SNX29: variants seen among roughly 807,000 people sequenced by gnomAD.
SNX29 encodes sorting nexin 29, also known as sorting nexin-29.
Under a neutral mutation model 102.1 loss-of-function variants are expected in SNX29, and 78 were observed. The ratio of observed to expected loss-of-function variants is 0.76; its 90% CI spans 0.64 to 0.92. The LOEUF is 0.92. SNX29 is among the 40% of genes least tolerant of loss of function. SNX29 has a pLI of 0.00. For missense variants in SNX29, 1,280 were observed against 1,061.7 expected, an observed-to-expected ratio of 1.21 and a Z score of -2.86; for synonymous variants, 580 against 414.5, an observed-to-expected ratio of 1.40 and a Z score of -4.85.
At chr16:12,489,950 C>G (rs2088458487) in intron 19 of SNX29, among the ~76,000 whole-genome samples, 1 of 152,126 alleles carries the variant, frequency 6.6e-6, no homozygotes, top group Non-Finnish European at 1.5e-5. Context: ...GGACTATAGG[C>G]ATGCACCACC....
chr16:12,074,661 A>C (rs1169495241), intron 10 of SNX29, among the ~76,000 whole-genome samples: 1 of 152,104 alleles, frequency 6.6e-6, no homozygotes, highest in African/African-American at 2.4e-5. Flanking sequence ...GCTCTTCTCC[A>C]GGAGTATCTT....
chr16:12,561,711 G>C (rs529695178), intron 20 of SNX29, among the ~76,000 whole-genome samples: 7 of 152,324 alleles, frequency 4.6e-5, no homozygotes, highest in Admixed American at 1.3e-4. Context: ...CCCCAGTGCT[G>C]TGTTAAGTTG....
intron 13 of SNX29, among the ~76,000 whole-genome samples, chr16:12,138,683 TTTG>T (rs1241024969): frequency 1.3e-5 from 2 of 152,122 alleles, no homozygotes; most frequent in Non-Finnish European, 2.9e-5. Context: ...TAACATTTGC[TTTG>T]TTACCTGATT....
intron 15 of SNX29, among the ~76,000 whole-genome samples, chr16:12,295,277 G>T (rs377075163): frequency 6.6e-6 from 1 of 152,162 alleles, no homozygotes; most frequent in South Asian, 2.1e-4. Flanking sequence ...CGGGGTCACC[G>T]GTTCCCTTTA....
At chr16:12,366,229 G>A (rs2082475807) in intron 16 of SNX29, among the ~76,000 whole-genome samples, 2 of 151,922 alleles carry the variant, frequency 1.3e-5, no homozygotes, top group African/African-American at 2.4e-5. Flanking sequence ...CACACACGGG[G>A]GTGCTCCGTG....
intron 14 of SNX29, among the ~76,000 whole-genome samples, chr16:12,231,716 A>G (rs577208925): frequency 2.0e-5 from 3 of 152,236 alleles, no homozygotes; most frequent in African/African-American, 4.8e-5. Context: ...GGGTTTCCAT[A>G]TTGCTCCCCA....
At chr16:12,440,213 TAAAAAC>T (rs2085738661) in intron 18 of SNX29, among the ~76,000 whole-genome samples, 2 of 152,290 alleles carry the variant, frequency 1.3e-5, no homozygotes, top group South Asian at 4.2e-4. Flanking sequence ...CTCCTGTCCT[TAAAAAC>T]AAAAGAAAAG....
intron 20 of SNX29, among the ~76,000 whole-genome samples, chr16:12,548,150 C>G (rs980993061): frequency 1.3e-5 from 2 of 151,280 alleles, no homozygotes; most frequent in Non-Finnish European, 3.0e-5. Flanking sequence ...CCTGTTCATT[C>G]TTCATCTTGG....
chr16:12,078,754 C>A, intron 10 of SNX29, 79 bp from the exon 11 acceptor site: 3 of 1,254,320 alleles, frequency 2.4e-6, no homozygotes, highest in Non-Finnish European at 3.4e-6. Context: ...AGTAAACCGA[C>A]CTCTGCTAGT....
chr16:12,373,319 G>A (rs987080301), intron 16 of SNX29, among the ~76,000 whole-genome samples: 8 of 152,018 alleles, frequency 5.3e-5, no homozygotes, highest in South Asian at 2.1e-4. Context: ...TTATAGAGAT[G>A]GGGTTTCACT....
chr16:12,125,315 C>T (rs539106076), intron 11 of SNX29, among the ~76,000 whole-genome samples: 1 of 152,078 alleles, frequency 6.6e-6, no homozygotes, highest in Non-Finnish European at 1.5e-5. Context: ...GTGGGGAAGG[C>T]GGAAGGTCTG....
chr16:12,045,780 T>C (rs1235145025), intron 5 of SNX29, among the ~76,000 whole-genome samples: 1 of 151,970 alleles, frequency 6.6e-6, no homozygotes, highest in African/African-American at 2.4e-5. Context: ...CCTGCCACCA[T>C]GCCTGGCTAA....
chr16:12,033,293 G>A (rs1433262892), intron 4 of SNX29, among the ~76,000 whole-genome samples: 2 of 151,944 alleles, frequency 1.3e-5, no homozygotes, highest in African/African-American at 2.4e-5. Context: ...TGTAGGGACA[G>A]TATCTTACTA....
chr16:12,020,380 A>G (rs2056982388), intron 3 of SNX29, among the ~76,000 whole-genome samples: 1 of 151,902 alleles, frequency 6.6e-6, no homozygotes, highest in Non-Finnish European at 1.5e-5. Context: ...TTTATTTTTT[A>G]GAATAGAGAT....
chr16:12,541,054 T>A (rs1567677739), intron 20 of SNX29, among the ~76,000 whole-genome samples: 1 of 152,190 alleles, frequency 6.6e-6, no homozygotes, highest in East Asian at 1.9e-4. Flanking sequence ...GGCTGCTATT[T>A]AGTTTCCTGA....
At chr16:12,288,983 A>G (rs1039772349) in intron 15 of SNX29, among the ~76,000 whole-genome samples, 1 of 152,182 alleles carries the variant, frequency 6.6e-6, no homozygotes, top group Non-Finnish European at 1.5e-5. Context: ...TGCCTTGCCT[A>G]CTAGCTCTAA....
chr16:11,994,756 G>T (rs894530678), intron 1 of SNX29, among the ~76,000 whole-genome samples: 1 of 152,188 alleles, frequency 6.6e-6, no homozygotes, highest in Non-Finnish European at 1.5e-5. Context: ...TCTGGGCCCT[G>T]GCGGAGGTGC....
At chr16:12,503,815 T>C (rs1348776827) in intron 19 of SNX29, among the ~76,000 whole-genome samples, 1 of 152,218 alleles carries the variant, frequency 6.6e-6, no homozygotes, top group Non-Finnish European at 1.5e-5. Flanking sequence ...TCCTTTCTAA[T>C]AGTCCCAGAA....
chr16:12,106,848 C>T (rs2053272901), intron 11 of SNX29, among the ~76,000 whole-genome samples: 1 of 149,752 alleles, frequency 6.7e-6, no homozygotes, highest in African/African-American at 2.5e-5. Context: ...CCGGGTCTCA[C>T]TCTGTCACCC....
Sources: allele counts gnomAD v4.1 joint callset (sites outside exome capture counted in the v4.1 genomes callset), GRCh38; gene constraint gnomAD v4.1.1; transcripts MANE v1.5; gene names NCBI Gene and HGNC (gene_info 2026-07-23, HGNC 2026-07-21).